The following DGKB variants were observed in gnomAD, a reference collection of about 807,000 sequenced individuals.
DGKB encodes diacylglycerol kinase beta.
In DGKB, 67 loss-of-function variants were observed where a neutral mutation model predicts 114.3. The ratio of observed to expected loss-of-function variants is 0.59; its 90% CI spans 0.48 to 0.72. The LOEUF (loss-of-function observed/expected upper bound fraction) is 0.72, where lower values mean the gene tolerates loss of function less well. DGKB is among the 30% of genes least tolerant of loss of function. DGKB has a pLI of 0.00. For missense variants in DGKB, 907 were observed against 975.2 expected (o/e 0.93, Z 0.93); for synonymous variants, 398 against 323.1 (o/e 1.23, Z -2.49).
At chr7:14,676,902 AT>A (rs569207976) in intron 12 of DGKB, among the ~76,000 whole-genome samples, 1 of 152,000 alleles carries the variant, frequency 6.6e-6, no homozygotes, top group Non-Finnish European at 1.5e-5. Context: ...TTATCTTTGT[AT>A]TTTTTTCAAG....
intron 20 of DGKB, among the ~76,000 whole-genome samples, chr7:14,493,312 T>C (rs1331323293): frequency 6.6e-6 from 1 of 152,112 alleles, no homozygotes; most frequent in Non-Finnish European, 1.5e-5. Flanking sequence ...GAACCGTGTA[T>C]ATAAGTATAT....
At position 14,319,283 on chromosome 7, in the gene DGKB, A is replaced by G. The variant is rs926231173; in HGVS notation, c.2122+19232T>C. Reference sequence around the variant, plus strand: ...GCACATGTACCCTAAAACTTAAAGTATAATAATAAAAAAAAATATTGCAAT... The same window carrying G: ...GCACATGTACCCTAAAACTTAAAGTGTAATAATAAAAAAAAATATTGCAAT... On this transcript the variant is annotated intron_variant, in intron 23 of 25. Coordinates refer to ENST00000402815, the MANE Select transcript of DGKB (RefSeq NM_001350709.2). Among the ~76,000 whole-genome samples the G allele has an allele frequency of 1.1e-4, 5 of 47,276 alleles. No homozygotes were observed. In the African/African-American group the frequency reaches 1.1e-3, roughly 10 times the overall value. 31.0% of individuals were successfully genotyped at this position (47,276 alleles called of 152,430 possible).
intron 5 of DGKB, among the ~76,000 whole-genome samples, chr7:14,722,482 C>T (rs1459750504): frequency 1.3e-5 from 2 of 152,046 alleles, no homozygotes; most frequent in Non-Finnish European, 2.9e-5. Context: ...ACAGTTTATG[C>T]ATTCATCAAC....
At chr7:14,355,456 A>G (rs1356725155) in intron 21 of DGKB, among the ~76,000 whole-genome samples, 2 of 152,146 alleles carry the variant, frequency 1.3e-5, no homozygotes. Flanking sequence ...TGTTCCATCA[A>G]TACCTAGTTT....
chr7:14,786,980 G>T (rs1455093283), intron 2 of DGKB, among the ~76,000 whole-genome samples: 1 of 152,208 alleles, frequency 6.6e-6, no homozygotes, highest in Non-Finnish European at 1.5e-5. Flanking sequence ...TGATCTGACT[G>T]TGGAGAGGAG....
chr7:14,505,862 G>A (rs1362502405), intron 20 of DGKB, among the ~76,000 whole-genome samples: 2 of 152,058 alleles, frequency 1.3e-5, no homozygotes, highest in African/African-American at 4.8e-5. Flanking sequence ...TTACTTTCCA[G>A]GTCTCTTTCC....
chr7:14,511,805 AG>A (rs1288303690), intron 20 of DGKB, among the ~76,000 whole-genome samples: 1 of 152,070 alleles, frequency 6.6e-6, no homozygotes, highest in African/African-American at 2.4e-5. Flanking sequence ...GGTTATTAAT[AG>A]CCTAATTTCA....
chr7:14,962,505 G>T (rs1392797039), intron 1 of DGKB, among the ~76,000 whole-genome samples: 1 of 152,066 alleles, frequency 6.6e-6, no homozygotes, highest in African/African-American at 2.4e-5. Context: ...TCATGATCCT[G>T]ATAGGTCAAA....
chr7:14,358,392 C>T (rs1164494100), intron 21 of DGKB, among the ~76,000 whole-genome samples: 1 of 152,112 alleles, frequency 6.6e-6, no homozygotes. Flanking sequence ...GCTATTGAAG[C>T]TTGTGCATGC....
chr7:14,166,691 T>A (rs1000846836), intron 25 of DGKB, among the ~76,000 whole-genome samples: 2 of 151,982 alleles, frequency 1.3e-5, no homozygotes. Context: ...AAAAGGCAAA[T>A]TGGGGAAGAA....
At chr7:14,395,667 CAT>C (rs1822100704) in intron 21 of DGKB, among the ~76,000 whole-genome samples, 1 of 151,756 alleles carries the variant, frequency 6.6e-6, no homozygotes, top group African/African-American at 2.4e-5. Context: ...AAATACCAAA[CAT>C]GTAATATTCT....
chr7:14,424,473 G>A (rs1199726027), intron 21 of DGKB, among the ~76,000 whole-genome samples: 1 of 151,812 alleles, frequency 6.6e-6, no homozygotes, highest in Non-Finnish European at 1.5e-5. Context: ...ATATAAAAGA[G>A]TTAGGTCTAT....
chr7:14,314,906 G>A (rs902680225), intron 23 of DGKB, among the ~76,000 whole-genome samples: 3 of 151,878 alleles, frequency 2.0e-5, no homozygotes, highest in African/African-American at 7.3e-5. Flanking sequence ...CCCTCAAAGG[G>A]AAGCCCATCA....
intron 21 of DGKB, among the ~76,000 whole-genome samples, chr7:14,367,030 G>A (rs1226044755): frequency 6.6e-6 from 1 of 152,066 alleles, no homozygotes; most frequent in Non-Finnish European, 1.5e-5. Flanking sequence ...CTACACTTCA[G>A]GTTTTGAATT....
intron 20 of DGKB, among the ~76,000 whole-genome samples, chr7:14,543,593 A>G (rs1480509223): frequency 6.6e-6 from 1 of 152,186 alleles, no homozygotes; most frequent in African/African-American, 2.4e-5. Flanking sequence ...ATCTCCCTGA[A>G]CTTCACTTCT....
intron 1 of DGKB, among the ~76,000 whole-genome samples, chr7:14,869,063 T>C (rs1320710963): frequency 6.6e-6 from 1 of 152,176 alleles, no homozygotes; most frequent in Admixed American, 6.5e-5. Context: ...ATCCAAACAT[T>C]GTCAGAATTC....
chr7:14,464,227 A>G (rs1384839247), intron 21 of DGKB, among the ~76,000 whole-genome samples: 1 of 152,188 alleles, frequency 6.6e-6, no homozygotes, highest in Non-Finnish European at 1.5e-5. Flanking sequence ...AAATAATTAA[A>G]GTAATTGAAT....
chr7:14,913,784 G>T (rs1784105648), intron 1 of DGKB, among the ~76,000 whole-genome samples: 1 of 151,956 alleles, frequency 6.6e-6, no homozygotes, highest in African/African-American at 2.4e-5. Context: ...CATATAAAGG[G>T]CATGGAAGTC....
rs534889532 is a variant in DGKB, at chr7:14,197,577, G to T, written c.2123-19426C>A. 2.0e-5 allele frequency among the ~76,000 whole-genome samples: 3 copies of T among 152,232 alleles called. No homozygotes were observed. The South Asian group carries it at 6.2e-4, about 32-fold the overall frequency. On this transcript the variant is annotated intron_variant, in intron 23 of 25. Coordinates refer to ENST00000402815, the MANE Select transcript of DGKB (RefSeq NM_001350709.2). The stretch of plus-strand genomic sequence containing the variant: ...AGATACAGAAATATATTTAAGATCA[G>T]TGGGGGTCATCTGCAGCAAACACTT...
Sources: gnomAD v4.1 joint callset for allele counts (sites outside exome capture counted in the v4.1 genomes callset) on GRCh38, gnomAD v4.1.1 for gene constraint, MANE v1.5 for transcripts, NCBI Gene and HGNC (gene_info 2026-07-23, HGNC 2026-07-21) for gene names.